Variants in MATR3 observed in about 807,000 individuals in gnomAD.
The protein encoded by MATR3 is matrin 3, also known as matrin-3.
In MATR3, 4 loss-of-function variants were observed where a neutral mutation model predicts 85.5. The observed-to-expected ratio is 0.05, with a 90% CI of 0.02 to 0.11. MATR3 has a LOEUF of 0.11. Among genes scored for constraint, MATR3 ranks in the 10% least tolerant of loss-of-function variants. MATR3 has a pLI of 1.00. For missense variants in MATR3, 685 were observed against 1,016.1 expected, an observed-to-expected ratio of 0.67 and a Z score of 4.43; for synonymous variants, 336 against 343.1, an observed-to-expected ratio of 0.98 and a Z score of 0.23.
In MATR3 at chr5:139,321,957, A is replaced by G. The variant is rs1164140436; in HGVS notation, c.1662A>G (p.Lys554=). ...TGGCAATGGTTGACCATTGTTTGAA[A>G]AAAGCCCTTTGGTTTCAGGGGAGAT... The part of the protein sequence containing the change: ...DAMAMVDHCL[K]KALWFQGRCV... The change falls in exon 10 of 15, where the codon AAA becomes AAG. Residue 554 remains lysine, a synonymous_variant. Transcript: ENST00000394805. The G allele has an allele frequency of 6.2e-7, 1 of 1,613,992 alleles. No individual in the cohort carries two copies. The highest frequency in any genetic ancestry group is 1.7e-5 in the Admixed American group (1 of 60,012).
chr5:139,276,319 T>C (rs1362771983), intron 2 of MATR3: 2 of 432,386 alleles, frequency 4.6e-6, no homozygotes, highest in African/African-American at 4.0e-5. Context: ...GATGCCAGCA[T>C]AGTTGCTTAT....
intron 1 of MATR3, chr5:139,295,120 A>C (rs1468236698): frequency 6.6e-6 from 1 of 152,246 alleles, no homozygotes; most frequent in African/African-American, 2.4e-5. Context: ...GACTATGCGG[A>C]CAAAAATGAT....
intron 6 of MATR3, 148 bp downstream of exon 6, chr5:139,317,253 A>G: frequency 1.2e-6 from 1 of 854,900 alleles, no homozygotes; most frequent in East Asian, 2.7e-5. Context: ...TGGCTTTGAT[A>G]ACAGTTAAAA....
intron 5 of MATR3, among the ~76,000 whole-genome samples, chr5:139,316,526 C>T (rs895046501): frequency 2.0e-5 from 3 of 152,074 alleles, no homozygotes; most frequent in African/African-American, 7.2e-5. Flanking sequence ...ATTGCAGGTG[C>T]GAGCCACTGT....
At chr5:139,276,186 T>A (rs1042368690) in intron 2 of MATR3, 6 of 456,602 alleles carry the variant, frequency 1.3e-5, no homozygotes, top group African/African-American at 1.2e-4. Context: ...TGGCTCCAGC[T>A]GTAGGCAGCT....
chr5:139,316,064 T>C lies in MATR3; in HGVS notation c.1017-12T>C. The C allele has an allele frequency of 6.5e-7, 1 of 1,541,016 alleles. No individual in the cohort carries two copies. The highest frequency in any genetic ancestry group is 9.0e-7 in the Non-Finnish European group (1 of 1,117,126). ...TTATTATGATTTATATTTTATGTCT[T>C]CACTTTACTAGGGGTGATCCATTCA... On this transcript the variant is annotated splice_polypyrimidine_tract_variant and intron_variant, in intron 4 of 14. Transcript: ENST00000394805.
intron 1 of MATR3, among the ~76,000 whole-genome samples, chr5:139,296,345 ACTG>A (rs957853270): frequency 1.3e-5 from 2 of 152,164 alleles, no homozygotes; most frequent in Non-Finnish European, 2.9e-5. Flanking sequence ...ATGTTGGAAA[ACTG>A]CTAATGTCGT....
chr5:139,325,388 C>T lies in MATR3; in HGVS notation c.2149-52C>T, dbSNP rs758133672. 6 of 1,589,162 alleles carry T rather than the reference C, an allele frequency of 3.8e-6. No individual in the cohort carries two copies. The East Asian group carries it at 1.3e-4, about 35-fold the overall frequency. ...AACTTCAGAAACTTCGTAAATCGGG[C>T]ATGGCATTTAAATCTGGTGACAAAA... On this transcript the variant is annotated intron_variant, in intron 12 of 14. Coordinates refer to ENST00000394805, the MANE Select transcript of MATR3 (RefSeq NM_018834.6).
chr5:139,330,087 A>T lies in MATR3; in HGVS notation c.*692A>T. On this transcript the variant is annotated 3_prime_UTR_variant, in exon 15 of 15. Coordinates refer to ENST00000394805, the MANE Select transcript of MATR3 (RefSeq NM_018834.6). Reference sequence around the variant, plus strand: ...TTCCCGTTATCTTTGACCAGTATTAATTTTTGAGATCTTACTGCTTGTCAC... The same window carrying T: ...TTCCCGTTATCTTTGACCAGTATTATTTTTTGAGATCTTACTGCTTGTCAC... The T allele has an allele frequency of 2.2e-6, 1 of 454,454 alleles. No homozygotes were observed. Among genetic ancestry groups the T allele is most frequent in the Non-Finnish European group, 4.4e-6 (1 of 226,764 alleles). The allele number at this position is 454,454 out of a possible 1,614,324, so 28.2% of individuals were successfully genotyped here. A position where few individuals can be genotyped will look rare whatever the true frequency, so the allele number is the denominator to read the frequency against.
intron 14 of MATR3, among the ~76,000 whole-genome samples, 198 bp downstream of exon 14, chr5:139,326,482 G>A (rs964461157): frequency 6.7e-6 from 1 of 150,142 alleles, no homozygotes; most frequent in Non-Finnish European, 1.5e-5. Flanking sequence ...TTGCAATGGT[G>A]CAATCTTGGC....
intron 1 of MATR3, among the ~76,000 whole-genome samples, chr5:139,275,142 ATTTTTTTTT>A (rs750841386): frequency 1.7e-3 from 69 of 40,914 alleles, no homozygotes; most frequent in African/African-American, 5.3e-3. Flanking sequence ...CGCCCGGCTA[ATTTTTTTTT>A]TTTTTTTTTT....
chr5:139,306,083 A>G (rs1754691834), intron 1 of MATR3, among the ~76,000 whole-genome samples: 2 of 152,208 alleles, frequency 1.3e-5, no homozygotes, highest in Non-Finnish European at 1.5e-5. Context: ...TGTACCAAAC[A>G]ACTTCAGATT....
chr5:139,321,963 C>G lies in MATR3; in HGVS notation c.1668C>G (p.Ala556=). 6.2e-7 allele frequency: 1 copy of G among 1,613,870 alleles called. No homozygotes were observed. Among genetic ancestry groups the G allele is most frequent in the East Asian group, 2.2e-5 (1 of 44,856 alleles). ...MAMVDHCLKK[A]LWFQGRCVKV... is the part of the protein sequence containing the mutation. The stretch of plus-strand genomic sequence containing the variant: ...TGGTTGACCATTGTTTGAAAAAAGC[C>G]CTTTGGTTTCAGGGGAGATGTGTGA... The change falls in exon 10 of 15, where the codon GCC becomes GCG. Residue 556 remains alanine, a synonymous_variant. Coordinates refer to ENST00000394805, the MANE Select transcript of MATR3 (RefSeq NM_018834.6).
intron 6 of MATR3, among the ~76,000 whole-genome samples, chr5:139,317,368 CAG>C (rs771933033): frequency 2.6e-5 from 4 of 152,148 alleles, no homozygotes; most frequent in Non-Finnish European, 4.4e-5. Flanking sequence ...AAAATCACTA[CAG>C]AGAGTATGTT....
chr5:139,284,335 G>A lies in MATR3; in HGVS notation c.-178+5206G>A, dbSNP rs182871498. Among the ~76,000 whole-genome samples the A allele has an allele frequency of 1.2e-4, 18 of 152,244 alleles. No individual in the cohort carries two copies. The East Asian group carries it at 1.3e-3, about 11-fold the overall frequency. On this transcript the variant is annotated intron_variant, in intron 3 of 16. Coordinates refer to ENST00000509990, the Ensembl canonical transcript of MATR3. Reference sequence around the variant, plus strand: ...TTAAGTGATGATAATGGATTTGGCCGGGCGCGGTTGCCTATAATCCCAACA... The same window carrying A: ...TTAAGTGATGATAATGGATTTGGCCAGGCGCGGTTGCCTATAATCCCAACA...
At chr5:139,286,488 ATTAT>A (rs1753707374) in intron 3 of MATR3, among the ~76,000 whole-genome samples, 1 of 149,110 alleles carries the variant, frequency 6.7e-6, no homozygotes, top group Non-Finnish European at 1.5e-5. Context: ...TTTTAATTTT[ATTAT>A]TTATTTCTGT....
intron 3 of MATR3, among the ~76,000 whole-genome samples, chr5:139,281,215 C>T (rs1415459740): frequency 6.6e-6 from 1 of 152,006 alleles, no homozygotes; most frequent in East Asian, 1.9e-4. Context: ...CAAGGTCTCA[C>T]TCAGGCTGGT....
rs1469293807 is a variant in MATR3, at chr5:139,330,019, C to T, written c.*624C>T. On this transcript the variant is annotated 3_prime_UTR_variant, in exon 15 of 15. Coordinates refer to ENST00000394805, the MANE Select transcript of MATR3 (RefSeq NM_018834.6). ...TTTTCCCTGAGTTCCTGCTAGATTT[C>T]GTATTCTAGTAGTCAATGTATTTTC... 6 of 453,480 alleles carry T rather than the reference C, an allele frequency of 1.3e-5. No homozygotes were observed. The highest frequency in any genetic ancestry group is 4.7e-5 in the South Asian group (3 of 64,316). 28.1% of individuals were successfully genotyped at this position (453,480 alleles called of 1,614,324 possible).
chr5:139,329,257 T>G (rs1325580200), intron 14 of MATR3, 88 bp from the exon 15 acceptor site: 5 of 921,318 alleles, frequency 5.4e-6, no homozygotes, highest in Non-Finnish European at 9.0e-6. Flanking sequence ...TCCCTAAACT[T>G]GGATATAGGA....
Sources: allele counts gnomAD v4.1 joint callset (sites outside exome capture counted in the v4.1 genomes callset), GRCh38; gene constraint gnomAD v4.1.1; transcripts MANE v1.5; gene names NCBI Gene and HGNC (gene_info 2026-07-23, HGNC 2026-07-21).